Variants in THOC1 observed in about 807,000 individuals in gnomAD.
THOC1 encodes THO complex 1.
In THOC1, 29 loss-of-function variants were observed where a neutral mutation model predicts 97.3. The observed-to-expected ratio is 0.30, with a 90% CI of 0.22 to 0.41. The LOEUF (loss-of-function observed/expected upper bound fraction) is 0.41. THOC1 is among the 10% of genes least tolerant of loss of function. The pLI, the probability that THOC1 is intolerant of heterozygous loss-of-function variation, is 1.00. For missense variants in THOC1, 529 were observed against 761.9 expected (o/e 0.69, Z 3.60); for synonymous variants, 255 against 257.0 (o/e 0.99, Z 0.07).
intron 12 of THOC1, 48 bp from the exon 13 acceptor site, chr18:225,451 T>C (rs1432681936): frequency 6.6e-7 from 1 of 1,525,434 alleles, no homozygotes; most frequent in South Asian, 1.1e-5. Flanking sequence ...GCAATGCATA[T>C]GCAACTTTAA....
At chr18:252,310 C>T (rs1347316068) in intron 9 of THOC1, among the ~76,000 whole-genome samples, 1 of 152,124 alleles carries the variant, frequency 6.6e-6, no homozygotes, top group Non-Finnish European at 1.5e-5. Context: ...TGGGATTATG[C>T]ATAGGGTAGT....
rs568631538 is a variant in THOC1 at position 215,732 on chromosome 18, C to G, written c.1603-228G>C. ...TCAGAGTTGGAAAGACTCCCCACCC[C>G]CAATCTGGGAAGCAGGAAGTCAGTA... On this transcript the variant is annotated intron_variant, in intron 19 of 20. Transcript: ENST00000261600. 13 of 461,198 alleles carry G rather than the reference C, an allele frequency of 2.8e-5. No individual in the cohort carries two copies. In the Admixed American group the frequency reaches 3.4e-4, roughly 12 times the overall value. The allele number at this position is 461,198 out of a possible 1,614,324, so 28.6% of individuals were successfully genotyped here. A position where few individuals can be genotyped will look rare whatever the true frequency, so the allele number is the denominator to read the frequency against.
At chr18:233,364 A>T (rs562736598) in intron 11 of THOC1, among the ~76,000 whole-genome samples, 1 of 152,350 alleles carries the variant, frequency 6.6e-6, no homozygotes, top group East Asian at 1.9e-4. Flanking sequence ...AGGCGGGCAG[A>T]TCACCTGAGG....
At chr18:232,456 A>G (rs528692054) in intron 11 of THOC1, among the ~76,000 whole-genome samples, 1 of 151,418 alleles carries the variant, frequency 6.6e-6, no homozygotes, top group South Asian at 2.1e-4. Flanking sequence ...TAATTAATCC[A>G]TTTTCAGTGC....
At position 242,377 on chromosome 18, in the gene THOC1, C is replaced by G. The variant is rs1432374420; in HGVS notation, c.918+3947G>C. ...CCTGTAATCCCAGCTACTTGGGAGG[C>G]TGAGGCACGAGAATCGCTTGAACCC... is the stretch of plus-strand genomic sequence containing the variant. On this transcript the variant is annotated intron_variant, in intron 11 of 20. Coordinates refer to ENST00000261600, the MANE Select transcript of THOC1 (RefSeq NM_005131.3). This position sits in a 1 kb window ranked among gnomAD's most constrained non-coding sequence, Gnocchi z 4.5. Among the ~76,000 whole-genome samples, 2 of 151,066 alleles carry G rather than the reference C, an allele frequency of 1.3e-5. No homozygotes were observed. Among genetic ancestry groups the G allele is most frequent in the Admixed American group, 1.3e-4 (2 of 15,156 alleles).
At chr18:237,985 G>A (rs996776780) in intron 11 of THOC1, among the ~76,000 whole-genome samples, 1 of 151,966 alleles carries the variant, frequency 6.6e-6, no homozygotes, top group South Asian at 2.1e-4. Flanking sequence ...CCATGCCTCC[G>A]CCTCTAGGGC....
chr18:218,716 C>G (rs1488503438), intron 18 of THOC1, among the ~76,000 whole-genome samples, 170 bp downstream of exon 18: 1 of 151,782 alleles, frequency 6.6e-6, no homozygotes, highest in East Asian at 1.9e-4. Flanking sequence ...CAGGAATAAT[C>G]CTTGAAATCA....
intron 10 of THOC1, among the ~76,000 whole-genome samples, chr18:247,080 A>G (rs1224347754): frequency 6.6e-6 from 1 of 152,210 alleles, no homozygotes; most frequent in Non-Finnish European, 1.5e-5. Context: ...CTGAGCAAAT[A>G]AATTCCACCA....
chr18:221,908 G>C (rs760376977), intron 17 of THOC1, among the ~76,000 whole-genome samples: 1 of 151,976 alleles, frequency 6.6e-6, no homozygotes, highest in Non-Finnish European at 1.5e-5. Context: ...GCGCCTGGCC[G>C]ATAGATCTTT....
chr18:259,148 G>T, intron 7 of THOC1, 32 bp downstream of exon 7: 1 of 1,500,220 alleles, frequency 6.7e-7, no homozygotes, highest in Non-Finnish European at 9.1e-7. Context: ...AGATTTTCCT[G>T]CAGAAAACTC....
At position 249,594 on chromosome 18, in the gene THOC1, A is replaced by G. The variant is rs188825323; in HGVS notation, c.678-1637T>C. On this transcript the variant is annotated intron_variant, in intron 9 of 20. Transcript: ENST00000261600. ...GGAGAATCGCTTGAGCCCAGGAGGC[A>G]GAGCTTGCAGTGAGCCGAGATCACA... is the stretch of plus-strand genomic sequence containing the variant. Among the ~76,000 whole-genome samples the G allele has an allele frequency of 6.4e-3, 970 of 151,892 alleles. 3 individuals carry two copies. The highest frequency in any genetic ancestry group is 0.01 in the Middle Eastern group (3 of 294).
intron 13 of THOC1, 88 bp from the exon 14 acceptor site, chr18:225,227 G>T (rs996711339): frequency 1.3e-6 from 2 of 1,523,676 alleles, no homozygotes; most frequent in East Asian, 2.3e-5. Flanking sequence ...AGTGTTTGTG[G>T]TCTTGTACCT....
intron 11 of THOC1, among the ~76,000 whole-genome samples, chr18:228,982 A>G (rs1029450288): frequency 6.6e-6 from 1 of 152,204 alleles, no homozygotes; most frequent in Non-Finnish European, 1.5e-5. Context: ...CTTTCAGTAG[A>G]TAACTACTTT....
intron 11 of THOC1, among the ~76,000 whole-genome samples, chr18:228,522 A>AG (rs1029700431): frequency 3.0e-5 from 3 of 99,392 alleles, no homozygotes; most frequent in African/African-American, 7.9e-5. Context: ...CTAAAATGTA[A>AG]GGGGGAAAAA....
chr18:245,432 G>A (rs772942856), intron 11 of THOC1: 1 of 152,106 alleles, frequency 6.6e-6, no homozygotes, highest in Non-Finnish European at 1.5e-5. Context: ...TAAGTATACT[G>A]AGCATATCAC....
At chr18:223,228 C>T (rs1319926856) in intron 17 of THOC1, among the ~76,000 whole-genome samples, 1 of 152,056 alleles carries the variant, frequency 6.6e-6, no homozygotes, top group African/African-American at 2.4e-5. Flanking sequence ...GTTTTGATTC[C>T]TTTTGTGAAT....
chr18:217,069 G>C (rs16954480), intron 18 of THOC1, among the ~76,000 whole-genome samples: 3,698 of 152,310 alleles, frequency 0.024, 144 homozygotes, highest in African/African-American at 0.083. Flanking sequence ...AAACTGCAGA[G>C]AAATTCTAAA....
intron 11 of THOC1, among the ~76,000 whole-genome samples, chr18:228,152 G>C (rs114318719): frequency 0.01 from 1,529 of 152,230 alleles, 27 homozygotes; most frequent in African/African-American, 0.035. Flanking sequence ...TCCACGGACA[G>C]GCCCATCTCT....
intron 15 of THOC1, 151 bp from the exon 16 acceptor site, chr18:224,330 G>A: frequency 3.4e-6 from 2 of 583,238 alleles, no homozygotes; most frequent in Middle Eastern, 7.8e-4. Flanking sequence ...TGTAATCCCA[G>A]CACTTTGGGA....
Sources: allele counts gnomAD v4.1 joint callset (sites outside exome capture counted in the v4.1 genomes callset), GRCh38; gene constraint gnomAD v4.1.1; non-coding constraint Gnocchi (gnomAD v3.1); transcripts MANE v1.5; gene names NCBI Gene and HGNC (gene_info 2026-07-23, HGNC 2026-07-21).